Variants in CELF4 observed in about 807,000 individuals in gnomAD.
CELF4 encodes the protein CUGBP Elav-like family member 4, also known as CUG-BP- and ETR-3-like factor 4.
Under a neutral mutation model 59.9 loss-of-function variants are expected in CELF4, and 18 were observed. The ratio of observed to expected loss-of-function variants is 0.30; its 90% CI spans 0.21 to 0.45. The LOEUF (loss-of-function observed/expected upper bound fraction) is 0.45, where lower values mean the gene tolerates loss of function less well. CELF4 is among the 20% of genes least tolerant of loss of function. The pLI, the probability that CELF4 is intolerant of heterozygous loss-of-function variation, is 1.00. For synonymous variants in CELF4, 261 were observed against 267.1 expected (o/e 0.98, Z 0.22); for missense variants, 456 against 689.0 (o/e 0.66, Z 3.79).
rs546166294 is a variant in CELF4 at position 37,343,900 on chromosome 18, G to A, written c.370-22019C>T. ...CCAACTCTCTGGTACCCCTCACCAC[G>A]GCTGGTTCTTCCCTCCCTCCTTCAC... is the stretch of plus-strand genomic sequence containing the variant. On this transcript the variant is annotated intron_variant, in intron 2 of 12. Transcript: ENST00000420428. Among the ~76,000 whole-genome samples the A allele has an allele frequency of 6.6e-5, 10 of 152,162 alleles. No individual in the cohort carries two copies. The South Asian group carries it at 1.7e-3, about 25-fold the overall frequency.
intron 3 of CELF4, among the ~76,000 whole-genome samples, chr18:37,298,566 C>A (rs1408719934): frequency 6.6e-6 from 1 of 152,034 alleles, no homozygotes; most frequent in Non-Finnish European, 1.5e-5. Context: ...CCCATCTCTA[C>A]TAAAAATACA....
At chr18:37,349,139 T>C (rs1203990874) in intron 2 of CELF4, among the ~76,000 whole-genome samples, 2 of 152,170 alleles carry the variant, frequency 1.3e-5, no homozygotes, top group Non-Finnish European at 2.9e-5. Flanking sequence ...AGTTTGAAGG[T>C]AACTCACACT....
At chr18:37,334,558 G>A (rs988814020) in intron 2 of CELF4, among the ~76,000 whole-genome samples, 21 of 152,186 alleles carry the variant, frequency 1.4e-4, no homozygotes, top group African/African-American at 4.6e-4. Context: ...GCGGCTGGAC[G>A]GAGACCCTTG....
chr18:37,349,734 C>A (rs192968858), intron 2 of CELF4, among the ~76,000 whole-genome samples: 191 of 152,272 alleles, frequency 1.3e-3, no homozygotes, highest in African/African-American at 4.5e-3. Flanking sequence ...AGGATGTGCT[C>A]TAGGGTGGCT....
At chr18:37,292,722 C>A (rs1372208121) in intron 3 of CELF4, among the ~76,000 whole-genome samples, 1 of 152,186 alleles carries the variant, frequency 6.6e-6, no homozygotes, top group Non-Finnish European at 1.5e-5. Context: ...GTAACTAAGT[C>A]AATACAGTAA....
At chr18:37,469,392 T>A (rs894235215) in intron 2 of CELF4, among the ~76,000 whole-genome samples, 1 of 152,136 alleles carries the variant, frequency 6.6e-6, no homozygotes, top group African/African-American at 2.4e-5. Context: ...TTGTTTAATG[T>A]AAATACATCC....
chr18:37,448,079 A>G (rs952108902), intron 2 of CELF4, among the ~76,000 whole-genome samples: 1 of 152,168 alleles, frequency 6.6e-6, no homozygotes, highest in Non-Finnish European at 1.5e-5. Context: ...AATGATCTAG[A>G]GCCATGAGGC....
chr18:37,477,578 C>T (rs2099853722), intron 2 of CELF4, among the ~76,000 whole-genome samples: 1 of 152,178 alleles, frequency 6.6e-6, no homozygotes, highest in Admixed American at 6.5e-5. Context: ...CAGAAGGCCA[C>T]TGTGGTGGTG....
At position 37,530,861 on chromosome 18, in the gene CELF4, A is replaced by G. The variant is rs576385264; in HGVS notation, c.286+34495T>C. On this transcript the variant is annotated intron_variant, in intron 1 of 12. Coordinates refer to ENST00000420428, the MANE Select transcript of CELF4 (RefSeq NM_020180.4). ...ATAAGTACAGAGAGAGAGAGAGAGA[A>G]AGACGGAGAGAGAAAGGAAGGAAAA... Among the ~76,000 whole-genome samples, 7 of 151,654 alleles carry G rather than the reference A, an allele frequency of 4.6e-5. No individual in the cohort carries two copies. The East Asian group carries it at 7.7e-4, about 17-fold the overall frequency.
At chr18:37,307,865 G>T (rs922473148) in intron 3 of CELF4, among the ~76,000 whole-genome samples, 7 of 152,188 alleles carry the variant, frequency 4.6e-5, no homozygotes, top group Non-Finnish European at 1.0e-4. Context: ...GTAGGGACCC[G>T]CTGGACAAAG....
intron 1 of CELF4, among the ~76,000 whole-genome samples, chr18:37,562,035 C>G (rs562074587): frequency 6.6e-6 from 1 of 152,092 alleles, no homozygotes; most frequent in Non-Finnish European, 1.5e-5. Context: ...TGCCTAGCAC[C>G]CAGATACCCC....
At chr18:37,433,158 A>G (rs1411814104) in intron 2 of CELF4, among the ~76,000 whole-genome samples, 1 of 152,146 alleles carries the variant, frequency 6.6e-6, no homozygotes, top group Non-Finnish European at 1.5e-5. Flanking sequence ...TGCCTCCTAC[A>G]ATGGCCCCCT....
intron 2 of CELF4, among the ~76,000 whole-genome samples, chr18:37,476,841 C>T (rs896691824): frequency 6.8e-6 from 1 of 147,082 alleles, no homozygotes; most frequent in African/African-American, 2.5e-5. Flanking sequence ...ATTCTCGCTC[C>T]GGTGGACACA....
At chr18:37,299,495 C>T (rs1427796863) in intron 3 of CELF4, among the ~76,000 whole-genome samples, 1 of 151,986 alleles carries the variant, frequency 6.6e-6, no homozygotes, top group Non-Finnish European at 1.5e-5. Flanking sequence ...GTGGAACCCT[C>T]CCACTCAGAA....
At chr18:37,374,985 C>T (rs930727893) in intron 2 of CELF4, among the ~76,000 whole-genome samples, 6 of 152,176 alleles carry the variant, frequency 3.9e-5, no homozygotes, top group East Asian at 1.9e-4. Flanking sequence ...CTGTCTGTGT[C>T]GTGCGGTCTG....
intron 1 of CELF4, among the ~76,000 whole-genome samples, chr18:37,512,980 T>G: frequency 6.6e-6 from 1 of 152,206 alleles, no homozygotes; most frequent in Non-Finnish European, 1.5e-5. Context: ...AGAATGGGAA[T>G]TTTGAGGAGT....
intron 3 of CELF4, among the ~76,000 whole-genome samples, chr18:37,295,989 T>C (rs1478054954): frequency 6.6e-6 from 1 of 152,194 alleles, no homozygotes; most frequent in African/African-American, 2.4e-5. Flanking sequence ...TGTGAGGAGC[T>C]CTGAAGTCCT....
intron 1 of CELF4, among the ~76,000 whole-genome samples, chr18:37,532,787 G>A (rs1369496631): frequency 6.6e-6 from 1 of 152,148 alleles, no homozygotes; most frequent in Non-Finnish European, 1.5e-5. Flanking sequence ...CACTTATAAG[G>A]CAGTTGCAAA....
At chr18:37,475,714 T>C (rs2099846964) in intron 2 of CELF4, among the ~76,000 whole-genome samples, 1 of 152,214 alleles carries the variant, frequency 6.6e-6, no homozygotes, top group Admixed American at 6.5e-5. Flanking sequence ...GCCTACAGGC[T>C]GTAAGGGGCT....
Sources: allele counts gnomAD v4.1 joint callset (sites outside exome capture counted in the v4.1 genomes callset), GRCh38; gene constraint gnomAD v4.1.1; transcripts MANE v1.5; gene names NCBI Gene and HGNC (gene_info 2026-07-23, HGNC 2026-07-21).